The following GBA2 variants were observed in gnomAD, a reference collection of about 807,000 sequenced individuals.
GBA2 encodes non-lysosomal glucosylceramidase.
GBA2 carries 79 observed loss-of-function variants against 112.9 expected under a neutral mutation model. That is an observed-to-expected ratio of 0.70 (90% CI 0.58 to 0.84). GBA2 has a LOEUF of 0.84. Among genes scored for constraint, GBA2 ranks in the 40% least tolerant of loss-of-function variants. The pLI is 0.00. For synonymous variants in GBA2, 403 were observed against 434.3 expected (o/e 0.93, Z 0.90); for missense variants, 1,043 against 1,190.0 (o/e 0.88, Z 1.82).
At position 35,738,379 on chromosome 9, in the gene GBA2, T is replaced by A; in HGVS notation, c.2055-5A>T. On this transcript the variant is annotated splice_polypyrimidine_tract_variant and splice_region_variant and intron_variant, in intron 13 of 16. Coordinates refer to ENST00000378103, the MANE Select transcript of GBA2 (RefSeq NM_020944.3). The stretch of plus-strand genomic sequence containing the variant: ...CACAGCCCTCCACAGTAAGCACTGA[T>A]CAGGGACATGGGTTTGGGGGTCAGA... 1 of 1,613,468 alleles carries A rather than the reference T, an allele frequency of 6.2e-7. No individual in the cohort carries two copies. The highest frequency in any genetic ancestry group is 8.5e-7 in the Non-Finnish European group (1 of 1,179,574).
rs959330782 is a variant in GBA2, at chr9:35,741,279, T to C, written c.787-215A>G. ...TTGGGCGGTGGTTCTGGGAAGCCAG[T>C]GTGATGTTCATGGCTCCAACCTCCC... On this transcript the variant is annotated intron_variant, in intron 4 of 16. Transcript: ENST00000378103. The surrounding 1 kb of genome is among the most constrained non-coding windows in gnomAD (Gnocchi z 4.6). 2 of 585,298 alleles carry C rather than the reference T, an allele frequency of 3.4e-6. No homozygotes were observed. The highest frequency in any genetic ancestry group is 3.7e-5 in the African/African-American group (2 of 53,464). 36.3% of individuals were successfully genotyped at this position (585,298 alleles called of 1,614,324 possible).
chr9:35,742,048 C>G (rs1826722945), intron 3 of GBA2, 158 bp from the exon 4 acceptor site: 1 of 642,242 alleles, frequency 1.6e-6, no homozygotes, highest in Non-Finnish European at 2.8e-6. Flanking sequence ...ATCACCAAGT[C>G]CTGCTACCTC....
In GBA2 at chr9:35,740,075, G is replaced by A. The variant is rs1588012030; in HGVS notation, c.1332C>T (p.Leu444=). 4 of 1,614,134 alleles carry A rather than the reference G, an allele frequency of 2.5e-6. No individual in the cohort carries two copies. Among genetic ancestry groups the A allele is most frequent in the Non-Finnish European group, 3.4e-6 (4 of 1,180,002 alleles). The change falls in exon 8 of 17, where the codon CTC becomes CTT. Residue 444 remains leucine, a synonymous_variant. Transcript: ENST00000378103. This position sits in a 1 kb window ranked among gnomAD's most constrained non-coding sequence, Gnocchi z 4.7. ...CGTATCGGCACAGTGCATAGTGGCTGAGGGCAGGTGCTGCATCTCCATCCT... is the reference window on the plus strand; with the variant it reads ...CGTATCGGCACAGTGCATAGTGGCTAAGGGCAGGTGCTGCATCTCCATCCT... ...FGQDGDAAPA[L]SHYALCRYAE... is the part of the protein sequence containing the mutation.
At chr9:35,747,302 T>C (rs146198078) in intron 1 of GBA2, among the ~76,000 whole-genome samples, 162 of 152,242 alleles carry the variant, frequency 1.1e-3, no homozygotes, top group African/African-American at 3.2e-3. Flanking sequence ...TACTTCTCTA[T>C]GTACACTAGA....
rs370954241 is a variant in GBA2, at chr9:35,741,712, G to A, written c.746C>T (p.Thr249Ile). The change falls in exon 4 of 17, where the codon ACC (threonine) becomes ATC (isoleucine). Residue 249 changes from threonine to isoleucine, a missense_variant. Thr to Ile is a moderately conservative substitution (Grantham distance 89). Transcript: ENST00000378103. The surrounding 1 kb of genome is among the most constrained non-coding windows in gnomAD (Gnocchi z 4.6). ...CAAGATGGGTGTGATCTGACGGCAG[G>A]TGAGGGTGACATTCTGGCCAGGAAG... ...YQLPGQNVTL[T>I]CRQITPILPH... 5.8e-5 allele frequency: 94 copies of A among 1,613,772 alleles called. No individual in the cohort carries two copies. The highest frequency in any genetic ancestry group is 7.4e-5 in the Non-Finnish European group (87 of 1,179,776).
At chr9:35,739,142 TGG>T in intron 10 of GBA2, 33 bp from the exon 11 acceptor site, 1 of 1,404,932 alleles carries the variant, frequency 7.1e-7, no homozygotes, top group Non-Finnish European at 1.0e-6. Flanking sequence ...AGGCAGGGAA[TGG>T]GCATGCCTGA....
chr9:35,738,486 T>C, intron 13 of GBA2, 40 bp downstream of exon 13: 1 of 1,588,390 alleles, frequency 6.3e-7, no homozygotes, highest in Admixed American at 1.7e-5. Context: ...TGTTGCCCAG[T>C]TTCTCACCTC....
At chr9:35,745,944 T>A (rs564749010) in intron 1 of GBA2, among the ~76,000 whole-genome samples, 37 of 152,342 alleles carry the variant, frequency 2.4e-4, no homozygotes, top group African/African-American at 8.9e-4. Context: ...TACCACCTGC[T>A]CTAGCTATCT....
In GBA2 at chr9:35,739,703, G is replaced by A. The variant is rs371251592; in HGVS notation, c.1507C>T (p.Pro503Ser). 14 of 1,614,024 alleles carry A rather than the reference G, an allele frequency of 8.7e-6. No homozygotes were observed. The highest frequency in any genetic ancestry group is 8.5e-6 in the Non-Finnish European group (10 of 1,179,880). The change falls in exon 9 of 17, where the codon CCA becomes TCA. Residue 503 changes from proline (P) to serine (S), a missense_variant. Physicochemically the swap from Pro to Ser is moderately conservative, Grantham distance 74. Coordinates refer to ENST00000378103, the MANE Select transcript of GBA2 (RefSeq NM_020944.3). The stretch of plus-strand genomic sequence containing the variant: ...CACATGTTTCTGCCCAGCTCCTCTG[G>A]TAGGGAGTCCTCAAGAACTTCCAGC... ...VWLEVLEDSL[P>S]EELGRNMCHL...
intron 13 of GBA2, 57 bp from the exon 14 acceptor site, chr9:35,738,431 G>T: frequency 6.3e-7 from 1 of 1,597,210 alleles, no homozygotes; most frequent in Non-Finnish European, 8.6e-7. Context: ...CTCCCATGCC[G>T]TGTAATAGAC....
rs1414355265 is a variant in GBA2, at chr9:35,737,477, T to A, written c.2506-30A>T. 1 of 1,607,306 alleles carries A rather than the reference T, an allele frequency of 6.2e-7. No homozygotes were observed. The highest frequency in any genetic ancestry group is 8.5e-7 in the Non-Finnish European group (1 of 1,176,684). ...TGGGAGAGATGACAGTCATACATAC[T>A]AACTTGGCACCCTCTGAAGAGCCAC... On this transcript the variant is annotated intron_variant, in intron 16 of 16. Transcript: ENST00000378103. The surrounding 1 kb of genome is among the most constrained non-coding windows in gnomAD (Gnocchi z 4.1).
chr9:35,748,390 G>A lies in GBA2; in HGVS notation c.315C>T (p.Asn105=). 1.2e-6 allele frequency: 2 copies of A among 1,614,000 alleles called. No homozygotes were observed. Among genetic ancestry groups the A allele is most frequent in the African/African-American group, 1.3e-5 (1 of 75,042 alleles). ...GCTTTATCATGTTGCTTAGGGAGAC[G>A]TTGTTAGCTTGAAAGGGTTTCCTCT... ...TEKRKPFQAN[N]VSLSNMIKHI... Residue 105 remains asparagine (N), a synonymous_variant, in exon 1 of 17, where the codon AAC becomes AAT. Coordinates refer to ENST00000378103, the MANE Select transcript of GBA2 (RefSeq NM_020944.3).
At chr9:35,747,887 AC>A (rs1194770447) in intron 1 of GBA2, among the ~76,000 whole-genome samples, 1 of 151,978 alleles carries the variant, frequency 6.6e-6, no homozygotes, top group Non-Finnish European at 1.5e-5. Context: ...TAGTGTTGGG[AC>A]TCTAACAGTG....
In GBA2 at chr9:35,737,378, C is replaced by T; in HGVS notation, c.2575G>A (p.Ala859Thr). The T allele has an allele frequency of 1.2e-6, 2 of 1,614,146 alleles. No homozygotes were observed. The highest frequency in any genetic ancestry group is 2.2e-5 in the South Asian group (2 of 91,088). The change falls in exon 17 of 17, where the codon GCC (alanine) becomes ACC (threonine). Residue 859 changes from alanine to threonine, a missense_variant. Transcript: ENST00000378103. This position sits in a 1 kb window ranked among gnomAD's most constrained non-coding sequence, Gnocchi z 4.1. ...CAGTATGCCTCTGGGGTCTGGAAGG[C>T]CAGACCCAGGCGCTCCCACACGGTA... ...YRTVWERLGL[A>T]FQTPEAYCQQ...
rs779723272 is a variant in GBA2, at chr9:35,741,918, G to C, written c.568-28C>G. The C allele has an allele frequency of 6.6e-7, 1 of 1,518,252 alleles. No homozygotes were observed. Among genetic ancestry groups the C allele is most frequent in the Non-Finnish European group, 9.1e-7 (1 of 1,094,376 alleles). 94.0% of individuals were successfully genotyped at this position (1,518,252 alleles called of 1,614,324 possible). On this transcript the variant is annotated intron_variant, in intron 3 of 16. Transcript: ENST00000378103. This position sits in a 1 kb window ranked among gnomAD's most constrained non-coding sequence, Gnocchi z 4.6. ...TAAGAGGGCAGATAGGCTGGAACGGGGTAAACCACAGGGACCACAGACTAA... is the reference window on the plus strand; with the variant it reads ...TAAGAGGGCAGATAGGCTGGAACGGCGTAAACCACAGGGACCACAGACTAA...
At position 35,738,123 on chromosome 9, in the gene GBA2, G is replaced by A. The variant is rs1273621765; in HGVS notation, c.2227C>T (p.Arg743Trp). The change falls in exon 15 of 17, where the codon CGG (arginine) becomes TGG (tryptophan). Residue 743 changes from arginine (R) to tryptophan (W), a missense_variant. Transcript: ENST00000378103. Reference sequence around the variant, plus strand: ...GACATAACACTACGAGACTGAGGCCGAGAGCTGCTGTCATAGTTGTAATAG... The same window carrying A: ...GACATAACACTACGAGACTGAGGCCAAGAGCTGCTGTCATAGTTGTAATAG... ...GRYYNYDSSS[R>W]PQSRSVMSDQ... The A allele has an allele frequency of 6.8e-6, 11 of 1,613,860 alleles. No homozygotes were observed. The highest frequency in any genetic ancestry group is 4.4e-5 in the South Asian group (4 of 91,082).
intron 1 of GBA2, among the ~76,000 whole-genome samples, chr9:35,748,132 T>C (rs1474039294): frequency 6.6e-6 from 1 of 152,210 alleles, no homozygotes; most frequent in Non-Finnish European, 1.5e-5. Context: ...CCTTTCCTTC[T>C]GAAAAGACAA....
At position 35,748,779 on chromosome 9, in the gene GBA2, T is replaced by C. The variant is rs955973047; in HGVS notation, c.-75A>G. ...AGCCTATTCCAGATGCGGGCGCCGG[T>C]CGTTGTTAGGTATCGTCCCGGAGGG... On this transcript the variant is annotated 5_prime_UTR_variant, in exon 1 of 17. Coordinates refer to ENST00000378103, the MANE Select transcript of GBA2 (RefSeq NM_020944.3). 1 of 933,246 alleles carries C rather than the reference T, an allele frequency of 1.1e-6. No individual in the cohort carries two copies. The highest frequency in any genetic ancestry group is 1.6e-6 in the Non-Finnish European group (1 of 618,672). The allele number at this position is 933,246 out of a possible 1,614,324, so 57.8% of individuals were successfully genotyped here.
At chr9:35,739,930 A>G in intron 8 of GBA2, 68 bp downstream of exon 8, 1 of 1,586,446 alleles carries the variant, frequency 6.3e-7, no homozygotes, top group Middle Eastern at 1.7e-4. Context: ...GTGGGTGGAG[A>G]GTAAATCGAG....
Sources: allele counts gnomAD v4.1 joint callset (sites outside exome capture counted in the v4.1 genomes callset), GRCh38; gene constraint gnomAD v4.1.1; non-coding constraint Gnocchi (gnomAD v3.1); transcripts MANE v1.5; gene names NCBI Gene and HGNC (gene_info 2026-07-23, HGNC 2026-07-21).